The following CYREN variants were observed in gnomAD, a reference collection of about 807,000 sequenced individuals.
CYREN encodes cell cycle regulator of non-homologous end joining.
A neutral mutation model predicts 9.7 loss-of-function variants in CYREN; 7 were observed. That is an observed-to-expected ratio of 0.72 (90% CI 0.41 to 1.36). The LOEUF (loss-of-function observed/expected upper bound fraction) is 1.36, where lower values mean the gene tolerates loss of function less well. Ranked by LOEUF, CYREN falls within the 40% of genes most tolerant of loss-of-function variation. CYREN has a pLI of 0.01. For missense variants in CYREN, 215 were observed against 198.1 expected, an observed-to-expected ratio of 1.09 and a Z score of -0.51; for synonymous variants, 76 against 77.9, an observed-to-expected ratio of 0.98 and a Z score of 0.13.
Position 135,166,498 on chromosome 7 carries a change from A to C in CYREN, c.*113T>G. On this transcript the variant is annotated 3_prime_UTR_variant, in exon 4 of 4. Transcript: ENST00000393114. ...ATCTGCCAGGCCCAAGAAGGCACAAAGGTAGGAGCACAGAGAGCCCCATTC... is the reference window on the plus strand; with the variant it reads ...ATCTGCCAGGCCCAAGAAGGCACAACGGTAGGAGCACAGAGAGCCCCATTC... 1.4e-6 allele frequency: 2 copies of C among 1,478,870 alleles called. No homozygotes were observed. The highest frequency in any genetic ancestry group is 1.8e-6 in the Non-Finnish European group (2 of 1,116,822). 91.6% of individuals were successfully genotyped at this position (1,478,870 alleles called of 1,614,324 possible).
chr7:135,163,538 G>A (rs71532832), downstream of CYREN, among the ~76,000 whole-genome samples: 5 of 152,206 alleles, frequency 3.3e-5, no homozygotes, highest in South Asian at 2.1e-4. Context: ...CCAGCTACTC[G>A]GGAGGCTGAG....
intron 2 of CYREN, among the ~76,000 whole-genome samples, chr7:135,121,434 T>C (rs79393218): frequency 2.8e-4 from 43 of 151,426 alleles, no homozygotes; most frequent in African/African-American, 9.7e-4. Context: ...TATACCAAGA[T>C]AGAACATATC....
intron 2 of CYREN, among the ~76,000 whole-genome samples, chr7:135,121,198 T>G (rs1827083620): frequency 6.6e-6 from 1 of 151,884 alleles, no homozygotes; most frequent in African/African-American, 2.4e-5. Flanking sequence ...AAAACAAAAC[T>G]CCGTCTCAAA....
chr7:135,115,861 G>C, intron 2 of CYREN: 2 of 381,240 alleles, frequency 5.2e-6, no homozygotes, highest in South Asian at 9.0e-5. Context: ...TATTAATAAA[G>C]TAGGCATAAA....
chr7:135,155,504 T>G (rs1829768468), intron 2 of CYREN, among the ~76,000 whole-genome samples: 1 of 152,250 alleles, frequency 6.6e-6, no homozygotes, highest in Non-Finnish European at 1.5e-5. Flanking sequence ...ACTATGAGTT[T>G]TATACTTCTG....
intron 2 of CYREN, among the ~76,000 whole-genome samples, chr7:135,106,940 G>A (rs1292730085): frequency 6.6e-6 from 1 of 152,066 alleles, no homozygotes; most frequent in African/African-American, 2.4e-5. Context: ...GTTCAGTCTT[G>A]GGAGGGTGTA....
At chr7:135,162,146 A>C (rs182369596), downstream of CYREN, among the ~76,000 whole-genome samples, 7 of 152,298 alleles carry the variant, frequency 4.6e-5, no homozygotes, top group East Asian at 1.4e-3. Flanking sequence ...CCTTTCTGTA[A>C]CAAATGCAGT....
intron 2 of CYREN, among the ~76,000 whole-genome samples, chr7:135,124,590 T>C (rs1827597607): frequency 6.6e-6 from 1 of 152,238 alleles, no homozygotes; most frequent in Admixed American, 6.5e-5. Context: ...ATCAACAGAA[T>C]ATACGTTCTT....
intron 2 of CYREN, among the ~76,000 whole-genome samples, chr7:135,143,633 T>C (rs1257608321): frequency 6.6e-6 from 1 of 151,758 alleles, no homozygotes; most frequent in East Asian, 1.9e-4. Context: ...ATCTAAGAAA[T>C]GAAGTGTTTA....
intron 2 of CYREN, among the ~76,000 whole-genome samples, chr7:135,128,291 C>CAAAAAAAAAAAA (rs61217008): frequency 3.4e-5 from 2 of 58,076 alleles, no homozygotes; most frequent in African/African-American, 8.1e-5. Context: ...GACTCCATCT[C>CAAAAAAAAAAAA]AAAAAAAAAA....
chr7:135,167,858 A>G (rs1830295557), intron 2 of CYREN, 51 bp from the exon 3 acceptor site: 1 of 1,612,800 alleles, frequency 6.2e-7, no homozygotes, highest in Non-Finnish European at 8.5e-7. Context: ...CAAGTCTCAT[A>G]AGGGCAAAGA....
intron 2 of CYREN, chr7:135,135,000 A>G (rs760068106): frequency 1.3e-6 from 2 of 1,551,194 alleles, no homozygotes; most frequent in South Asian, 2.4e-5. Context: ...CACCTCTCAA[A>G]GGCCCCAAGA....
rs541519355 is a variant in CYREN at position 135,166,425 on chromosome 7, C to T, written c.*186G>A. 71 of 836,794 alleles carry T rather than the reference C, an allele frequency of 8.5e-5. No individual in the cohort carries two copies. The East Asian group carries it at 1.5e-3, about 17-fold the overall frequency. The allele number at this position is 836,794 out of a possible 1,614,324, so 51.8% of individuals were successfully genotyped here. A position where few individuals can be genotyped will look rare whatever the true frequency, so the allele number is the denominator to read the frequency against. ...AGTCCTGCCTTCCGCACACTCAGAACGGCAGCCCCAAGGCCCGGAGTGTCC... is the reference window on the plus strand; with the variant it reads ...AGTCCTGCCTTCCGCACACTCAGAATGGCAGCCCCAAGGCCCGGAGTGTCC... On this transcript the variant is annotated 3_prime_UTR_variant, in exon 4 of 4. Transcript: ENST00000393114.
chr7:135,149,147 C>A (rs1829612454), intron 2 of CYREN, among the ~76,000 whole-genome samples: 1 of 152,092 alleles, frequency 6.6e-6, no homozygotes, highest in Non-Finnish European at 1.5e-5. Flanking sequence ...CCTGCTTTAT[C>A]TAATTACTAA....
intron 2 of CYREN, among the ~76,000 whole-genome samples, chr7:135,113,261 A>C (rs1411987441): frequency 6.6e-6 from 1 of 152,164 alleles, no homozygotes; most frequent in Non-Finnish European, 1.5e-5. Flanking sequence ...ATTTCTTTAC[A>C]AAAAAACTTA....
intron 2 of CYREN, among the ~76,000 whole-genome samples, chr7:135,114,124 C>A (rs1232171106): frequency 7.2e-6 from 1 of 139,446 alleles, no homozygotes; most frequent in Non-Finnish European, 1.6e-5. Flanking sequence ...GTTGCTTACA[C>A]TGTTGGCTAT....
At chr7:135,107,730 T>A (rs907566313) in intron 2 of CYREN, among the ~76,000 whole-genome samples, 1 of 152,190 alleles carries the variant, frequency 6.6e-6, no homozygotes, top group Non-Finnish European at 1.5e-5. Context: ...GTCTATCAGA[T>A]CTATTTGGTC....
chr7:135,129,600 C>T (rs1828442876), intron 2 of CYREN: 1 of 773,780 alleles, frequency 1.3e-6, no homozygotes, highest in Non-Finnish European at 2.4e-6. Flanking sequence ...CCCTTACAAA[C>T]ATTTCACTGA....
chr7:135,129,340 T>C lies in CYREN; in HGVS notation n.357-34758A>G, dbSNP rs116853510. On this transcript the variant is annotated intron_variant and non_coding_transcript_variant, in intron 2 of 2. Coordinates refer to the CYREN transcript ENST00000459937. ...TGTAAGGTGACTGCAGAGAAATTAA[T>C]AGACTTACTAAATGAATACCTGCAA... is the stretch of plus-strand genomic sequence containing the variant. 10,958 of 1,116,644 alleles carry C rather than the reference T, an allele frequency of 9.8e-3. 90 individuals carry two copies. Among genetic ancestry groups the C allele is most frequent in the Non-Finnish European group, 0.012 (8,480 of 727,736 alleles). 69.2% of individuals were successfully genotyped at this position (1,116,644 alleles called of 1,614,324 possible).
Sources: allele counts gnomAD v4.1 joint callset (sites outside exome capture counted in the v4.1 genomes callset), GRCh38; gene constraint gnomAD v4.1.1; transcripts MANE v1.5; gene names NCBI Gene and HGNC (gene_info 2026-07-23, HGNC 2026-07-21).